The following RUFY3 variants were observed in gnomAD, a reference collection of about 807,000 sequenced individuals.
RUFY3 encodes the protein protein RUFY3.
Under a neutral mutation model 84.0 loss-of-function variants are expected in RUFY3, and 34 were observed. That is an observed-to-expected ratio of 0.40 (90% CI 0.31 to 0.54). The LOEUF (loss-of-function observed/expected upper bound fraction) is 0.54. Among genes scored for constraint, RUFY3 ranks in the 20% least tolerant of loss-of-function variants. The pLI is 0.39. For synonymous variants in RUFY3, 242 were observed against 252.9 expected, an observed-to-expected ratio of 0.96 and a Z score of 0.41; for missense variants, 507 against 736.8, an observed-to-expected ratio of 0.69 and a Z score of 3.61.
At chr4:70,789,009 C>T (rs1166585622) in intron 11 of RUFY3, 36 bp downstream of exon 11, 1 of 1,599,258 alleles carries the variant, frequency 6.3e-7, no homozygotes. Flanking sequence ...CACTGGCTCT[C>T]TAAAATCCTG....
At chr4:70,734,965 G>A (rs548469553) in intron 1 of RUFY3, among the ~76,000 whole-genome samples, 1 of 152,176 alleles carries the variant, frequency 6.6e-6, no homozygotes, top group African/African-American at 2.4e-5. Context: ...CTCTTCTTTG[G>A]GTTATCAGCT....
chr4:70,750,951 TG>T (rs1332881854), intron 1 of RUFY3, among the ~76,000 whole-genome samples: 3 of 152,254 alleles, frequency 2.0e-5, no homozygotes, highest in Non-Finnish European at 4.4e-5. Context: ...TAATATTGTA[TG>T]GGCATATCAT....
At chr4:70,781,560 A>T (rs183368284) in intron 8 of RUFY3, among the ~76,000 whole-genome samples, 1 of 152,354 alleles carries the variant, frequency 6.6e-6, no homozygotes, top group African/African-American at 2.4e-5. Flanking sequence ...TGCAGCCATA[A>T]TCAGGTTTCC....
intron 1 of RUFY3, among the ~76,000 whole-genome samples, chr4:70,735,531 T>G (rs1258023101): frequency 6.6e-6 from 1 of 152,012 alleles, no homozygotes; most frequent in Non-Finnish European, 1.5e-5. Flanking sequence ...GTCAGTGTGT[T>G]GAAAATAGTG....
chr4:70,791,485 C>T, intron 12 of RUFY3: 6 of 1,382,044 alleles, frequency 4.3e-6, no homozygotes, highest in East Asian at 2.8e-5. Context: ...ATTGTTTTCT[C>T]CCCAGGGTTA....
At chr4:70,721,486 A>T (rs1742293972), upstream of RUFY3, among the ~76,000 whole-genome samples, 1 of 152,134 alleles carries the variant, frequency 6.6e-6, no homozygotes, top group African/African-American at 2.4e-5. Flanking sequence ...AGGAAATTAT[A>T]AATGCCCAAG....
At chr4:70,791,844 A>G (rs1730870085) in intron 12 of RUFY3, 1 of 985,610 alleles carries the variant, frequency 1.0e-6, no homozygotes, top group Non-Finnish European at 1.2e-6. Flanking sequence ...AGTACTTAGT[A>G]TTTCACTACA....
At chr4:70,798,274 TAGG>T (rs1387223687) in intron 14 of RUFY3, among the ~76,000 whole-genome samples, 1 of 151,422 alleles carries the variant, frequency 6.6e-6, no homozygotes, top group Non-Finnish European at 1.5e-5. Context: ...GAGGCTGAGG[TAGG>T]AGGATCACTT....
chr4:70,783,225 T>G (rs1729234396), intron 9 of RUFY3, 42 bp downstream of exon 9: 5 of 1,292,494 alleles, frequency 3.9e-6, no homozygotes, highest in Admixed American at 1.8e-5. Context: ...TGAGAGCATA[T>G]CAACTTGTTA....
chr4:70,705,081 G>A, exon 1 of RUFY3: 14 of 1,308,758 alleles, frequency 1.1e-5, no homozygotes, highest in Non-Finnish European at 1.4e-5. Flanking sequence ...GCCGCCGCCG[G>A]CCTCCCCCGC....
At position 70,775,290 on chromosome 4, in the gene RUFY3, A is replaced by C. The variant is rs1191559197; in HGVS notation, c.824+57A>C. 1.5e-5 allele frequency: 18 copies of C among 1,196,422 alleles called. 1 individual carries two copies. The highest frequency in any genetic ancestry group is 4.0e-5 in the South Asian group (3 of 74,504). 74.1% of individuals were successfully genotyped at this position (1,196,422 alleles called of 1,614,324 possible). A position where few individuals can be genotyped will look rare whatever the true frequency, so the allele number is the denominator to read the frequency against. On this transcript the variant is annotated intron_variant, in intron 7 of 17. Transcript: ENST00000381006. The stretch of plus-strand genomic sequence containing the variant: ...GGGAATTGTTGAAGGAGAAGGGAAG[A>C]GTAAGATGATGCGCAGTGAGGATAA...
At chr4:70,734,910 A>G (rs529919131) in intron 1 of RUFY3, among the ~76,000 whole-genome samples, 39 of 152,308 alleles carry the variant, frequency 2.6e-4, no homozygotes, top group African/African-American at 8.9e-4. Context: ...CAGAGCTTCT[A>G]CTTGAATCTT....
At chr4:70,709,840 C>G (rs917958636) in intron 1 of RUFY3, among the ~76,000 whole-genome samples, 2 of 152,214 alleles carry the variant, frequency 1.3e-5, no homozygotes, top group Non-Finnish European at 1.5e-5. Flanking sequence ...CATCCTTGCC[C>G]TTGTCTTTTC....
At chr4:70,806,487 A>G (rs1732866201) in intron 17 of RUFY3, 29 bp from the exon 18 acceptor site, 1 of 1,612,574 alleles carries the variant, frequency 6.2e-7, no homozygotes, top group Non-Finnish European at 8.5e-7. Flanking sequence ...CTCATCTTCT[A>G]TTCCCCGCCT....
chr4:70,762,790 G>T, intron 2 of RUFY3, 98 bp downstream of exon 2: 2 of 1,033,080 alleles, frequency 1.9e-6, no homozygotes. Context: ...AGAATAAGAG[G>T]CTTGAATTAA....
At chr4:70,779,416 G>A (rs1728521901) in intron 8 of RUFY3, among the ~76,000 whole-genome samples, 1 of 151,900 alleles carries the variant, frequency 6.6e-6, no homozygotes, top group African/African-American at 2.4e-5. Context: ...CCTAAAATAA[G>A]AACAGAAAAA....
intron 1 of RUFY3, among the ~76,000 whole-genome samples, chr4:70,744,055 C>T (rs556559947): frequency 6.8e-4 from 104 of 152,258 alleles, no homozygotes; most frequent in African/African-American, 2.5e-3. Flanking sequence ...GAAGAATCCT[C>T]ATTTCAGACT....
intron 15 of RUFY3, 46 bp from the exon 16 acceptor site, chr4:70,802,910 T>TA: frequency 7.0e-7 from 1 of 1,431,932 alleles, no homozygotes; most frequent in Admixed American, 2.0e-5. Flanking sequence ...TAAATGAAAA[T>TA]ACATGAAGTT....
intron 1 of RUFY3, among the ~76,000 whole-genome samples, chr4:70,752,748 C>G (rs1368550173): frequency 6.6e-6 from 1 of 152,142 alleles, no homozygotes; most frequent in Admixed American, 6.5e-5. Flanking sequence ...ACCTTGCATT[C>G]TGTGATTAAT....
Sources: allele counts gnomAD v4.1 joint callset (sites outside exome capture counted in the v4.1 genomes callset), GRCh38; gene constraint gnomAD v4.1.1; transcripts MANE v1.5; gene names NCBI Gene and HGNC (gene_info 2026-07-23, HGNC 2026-07-21).